Variants in NUP98 observed in about 807,000 individuals in gnomAD.
NUP98 encodes the protein nucleoporin 98 and 96 precursor, also known as nuclear pore complex protein Nup98-Nup96.
A neutral mutation model predicts 191.9 loss-of-function variants in NUP98; 26 were observed. The ratio of observed to expected loss-of-function variants is 0.14; its 90% CI spans 0.10 to 0.19. The LOEUF (loss-of-function observed/expected upper bound fraction) is 0.19. Among genes scored for constraint, NUP98 ranks in the 10% least tolerant of loss-of-function variants. The probability of loss-of-function intolerance (pLI) is 1.00; values close to 1 mark genes in which losing one functional copy is unlikely to be tolerated. For missense variants in NUP98, 1,941 were observed against 2,178.8 expected (o/e 0.89, Z 2.17); for synonymous variants, 808 against 778.4 (o/e 1.04, Z -0.63).
chr11:3,789,288 G>A (rs911433024), intron 1 of NUP98, among the ~76,000 whole-genome samples: 1 of 152,120 alleles, frequency 6.6e-6, no homozygotes, highest in African/African-American at 2.4e-5. Context: ...TAGCTAGAAT[G>A]CCATAATTTC....
chr11:3,781,900 T>C (rs995642029), intron 2 of NUP98, 142 bp downstream of exon 2: 4 of 520,682 alleles, frequency 7.7e-6, no homozygotes, highest in Non-Finnish European at 1.4e-5. Context: ...AAAGAGATCT[T>C]ATCCTAATTA....
chr11:3,778,493 G>C (rs2081834369), intron 4 of NUP98, among the ~76,000 whole-genome samples: 1 of 152,172 alleles, frequency 6.6e-6, no homozygotes, highest in African/African-American at 2.4e-5. Flanking sequence ...ATAAAACAGA[G>C]ACAAGAAGAA....
At chr11:3,693,147 C>T in intron 27 of NUP98, 85 bp downstream of exon 27, 1 of 1,359,738 alleles carries the variant, frequency 7.4e-7, no homozygotes, top group Non-Finnish European at 1.0e-6. Context: ...GGATAGTTTC[C>T]CATCAGATTT....
intron 21 of NUP98, 112 bp downstream of exon 21, chr11:3,706,333 T>C: frequency 1.0e-6 from 1 of 964,204 alleles, no homozygotes. Flanking sequence ...TTTTCCCCAT[T>C]ACAGTGAGCA....
In NUP98 at chr11:3,735,211, C is replaced by G. The variant is rs2080000718; in HGVS notation, c.1522G>C (p.Asp508His). 1 of 1,591,590 alleles carries G rather than the reference C, an allele frequency of 6.3e-7. No individual in the cohort carries two copies. Among genetic ancestry groups the G allele is most frequent in the Non-Finnish European group, 8.6e-7 (1 of 1,166,882 alleles). The change falls in exon 13 of 33, where the codon GAC (aspartate) becomes CAC (histidine). Residue 508 changes from aspartate to histidine, a missense_variant. By Grantham distance (81) the Asp-to-His change is moderately conservative (BLOSUM62 -1). Coordinates refer to ENST00000324932, the MANE Select transcript of NUP98 (RefSeq NM_016320.5). ...TTTACCTCTTCCTTCTTCTTAGGGT[C>G]TGACATCGGATTCCGGAAGAGAGGA... ...DSPLFRNPMS[D>H]PKKKEERLKP...
intron 11 of NUP98, among the ~76,000 whole-genome samples, chr11:3,749,801 C>G (rs1171544108): frequency 6.7e-6 from 1 of 150,154 alleles, no homozygotes; most frequent in Non-Finnish European, 1.5e-5. Context: ...TGGAATGTAC[C>G]AATTTCTACT....
intron 6 of NUP98, 110 bp from the exon 7 acceptor site, chr11:3,772,038 A>G (rs1051805045): frequency 3.4e-6 from 3 of 878,820 alleles, no homozygotes; most frequent in Middle Eastern, 3.6e-4. Flanking sequence ...CATAGGAACC[A>G]TAACTAAAAA....
intron 14 of NUP98, among the ~76,000 whole-genome samples, chr11:3,726,380 C>T (rs890613165): frequency 2.7e-5 from 4 of 150,592 alleles, no homozygotes; most frequent in Admixed American, 1.3e-4. Context: ...ATCACAGGAG[C>T]GAGAACATCA....
At chr11:3,698,106 G>T (rs1208470601) in intron 25 of NUP98, among the ~76,000 whole-genome samples, 1 of 152,118 alleles carries the variant, frequency 6.6e-6, no homozygotes, top group African/African-American at 2.4e-5. Context: ...ATACATAAAA[G>T]AATGCTAAGA....
At chr11:3,783,654 G>A (rs1020651932) in intron 1 of NUP98, among the ~76,000 whole-genome samples, 10 of 152,240 alleles carry the variant, frequency 6.6e-5, no homozygotes, top group Non-Finnish European at 1.3e-4. Context: ...AGCTGAGATC[G>A]CACCATTGTA....
intron 28 of NUP98, among the ~76,000 whole-genome samples, chr11:3,687,177 T>C (rs1195611402): frequency 6.6e-6 from 1 of 152,106 alleles, no homozygotes; most frequent in African/African-American, 2.4e-5. Flanking sequence ...CAAGTGATCG[T>C]CCCACTTCAG....
chr11:3,769,829 G>A (rs1250347708), intron 7 of NUP98, among the ~76,000 whole-genome samples: 1 of 151,894 alleles, frequency 6.6e-6, no homozygotes, highest in Non-Finnish European at 1.5e-5. Flanking sequence ...TGGATCATAA[G>A]GTCTGGAGTT....
intron 21 of NUP98, among the ~76,000 whole-genome samples, chr11:3,705,996 CAAA>C (rs66628165): frequency 1.6e-4 from 16 of 99,440 alleles, no homozygotes; most frequent in African/African-American, 3.9e-4. Context: ...ACTAAAAATA[CAAA>C]AAAAAAAAAA....
intron 30 of NUP98, 71 bp from the exon 31 acceptor site, chr11:3,679,779 AG>A: frequency 6.9e-7 from 1 of 1,446,136 alleles, no homozygotes; most frequent in Non-Finnish European, 9.4e-7. Context: ...AAGACATGGC[AG>A]GAAGACAGAA....
chr11:3,678,897 C>T lies in NUP98; in HGVS notation c.5073+657G>A, dbSNP rs565935187. Among the ~76,000 whole-genome samples, 11 of 152,038 alleles carry T rather than the reference C, an allele frequency of 7.2e-5. 1 individual carries two copies. In the South Asian group the frequency reaches 1.2e-3, roughly 17 times the overall value. On this transcript the variant is annotated intron_variant, in intron 31 of 32. Transcript: ENST00000324932. ...AGCAATTTGGGAGGCCAAGGTGGGC[C>T]GATCACTTGAGGCCAGGAATTCAAG...
chr11:3,716,185 C>A (rs1476002170), intron 18 of NUP98, among the ~76,000 whole-genome samples: 1 of 152,024 alleles, frequency 6.6e-6, no homozygotes, highest in Non-Finnish European at 1.5e-5. Context: ...TCTGTGTTTT[C>A]TTCTAAGAGT....
chr11:3,790,896 TA>T (rs1455792796), intron 1 of NUP98, among the ~76,000 whole-genome samples: 3 of 137,826 alleles, frequency 2.2e-5, no homozygotes, highest in Admixed American at 1.4e-4. Flanking sequence ...AACACCATTT[TA>T]ATTTTTTTTT....
Position 3,676,309 on chromosome 11 carries a change from G to A in NUP98, c.5253C>T (p.Thr1751=). 1.2e-6 allele frequency: 2 copies of A among 1,614,108 alleles called. No individual in the cohort carries two copies. The highest frequency in any genetic ancestry group is 1.1e-5 in the South Asian group (1 of 91,086). ...VLSLHHPPDR[T]SDSTPDPQRV... is the part of the protein sequence containing the mutation. ...GCTGAGGGTCTGGTGTTGAGTCGGA[G>A]GTTCTATCAGGAGGATGATGCAGAC... Residue 1751 remains threonine (T), a synonymous_variant, in exon 33 of 33, where the codon ACC becomes ACT. Coordinates refer to ENST00000324932, the MANE Select transcript of NUP98 (RefSeq NM_016320.5).
chr11:3,687,189 G>A (rs1439887210), intron 28 of NUP98, among the ~76,000 whole-genome samples: 3 of 152,032 alleles, frequency 2.0e-5, no homozygotes, highest in Middle Eastern at 3.2e-3. Context: ...CCACTTCAGC[G>A]TCACAAACTG....
Sources: gnomAD v4.1 joint callset for allele counts (sites outside exome capture counted in the v4.1 genomes callset) on GRCh38, gnomAD v4.1.1 for gene constraint, MANE v1.5 for transcripts, NCBI Gene and HGNC (gene_info 2026-07-23, HGNC 2026-07-21) for gene names.